Variants in RAD54B observed in about 807,000 individuals in gnomAD.
The protein encoded by RAD54B is DNA repair and recombination protein RAD54B.
In RAD54B, 78 loss-of-function variants were observed where a neutral mutation model predicts 95.8. The observed-to-expected ratio is 0.81, with a 90% confidence interval of 0.68 to 0.98. The LOEUF (loss-of-function observed/expected upper bound fraction) is 0.98, where lower values mean the gene tolerates loss of function less well. Ranked by LOEUF, RAD54B falls within the 50% of genes least tolerant of loss-of-function variation. The pLI is 0.00. For missense variants in RAD54B, 957 were observed against 1,056.6 expected, an observed-to-expected ratio of 0.91 and a Z score of 1.31; for synonymous variants, 328 against 354.9, an observed-to-expected ratio of 0.92 and a Z score of 0.85.
intron 3 of RAD54B, among the ~76,000 whole-genome samples, chr8:94,442,456 T>C (rs963469267): frequency 2.0e-4 from 31 of 151,842 alleles, no homozygotes; most frequent in African/African-American, 6.5e-4. Context: ...GCGCCTGTAG[T>C]CCCAGCTACT....
intron 14 of RAD54B, among the ~76,000 whole-genome samples, chr8:94,376,106 A>G (rs1810562641): frequency 6.6e-6 from 1 of 152,150 alleles, no homozygotes. Flanking sequence ...TACACTAGGC[A>G]ATTAAGAGGA....
intron 4 of RAD54B, among the ~76,000 whole-genome samples, chr8:94,408,434 T>C (rs1811447233): frequency 6.6e-6 from 1 of 152,100 alleles, no homozygotes; most frequent in Non-Finnish European, 1.5e-5. Context: ...CATTAAACTA[T>C]TAAATGTGTA....
chr8:94,387,588 T>C (rs12680213), intron 10 of RAD54B, among the ~76,000 whole-genome samples: 60,955 of 151,966 alleles, frequency 0.4, 12,365 homozygotes, highest in Admixed American at 0.51. Flanking sequence ...CTCTACTGAA[T>C]TGTGGGCTTC....
At chr8:94,381,232 C>T (rs765088616) in intron 11 of RAD54B, among the ~76,000 whole-genome samples, 11 of 152,170 alleles carry the variant, frequency 7.2e-5, no homozygotes, top group Admixed American at 1.3e-4. Flanking sequence ...CATATGCCAG[C>T]CCAAGGAAGA....
chr8:94,429,995 T>C, intron 3 of RAD54B: 1 of 985,374 alleles, frequency 1.0e-6, no homozygotes, highest in Non-Finnish European at 1.2e-6. Flanking sequence ...TGGCTTCTCA[T>C]TGTACGTTAA....
At chr8:94,463,037 G>A (rs1030776977) in intron 2 of RAD54B, among the ~76,000 whole-genome samples, 2 of 151,850 alleles carry the variant, frequency 1.3e-5, no homozygotes, top group Non-Finnish European at 2.9e-5. Context: ...TTAGCTAGGC[G>A]TGGCGGCAGG....
At chr8:94,414,364 T>G (rs1811602560) in intron 3 of RAD54B, among the ~76,000 whole-genome samples, 1 of 152,206 alleles carries the variant, frequency 6.6e-6, no homozygotes, top group East Asian at 1.9e-4. Context: ...CAACACTATG[T>G]TGAATAGGAG....
chr8:94,417,878 G>A (rs1042902725), intron 3 of RAD54B, among the ~76,000 whole-genome samples: 1 of 152,130 alleles, frequency 6.6e-6, no homozygotes, highest in Non-Finnish European at 1.5e-5. Flanking sequence ...AACCACCAAA[G>A]TTGTTTTCTG....
chr8:94,430,881 G>T (rs946670337), intron 3 of RAD54B: 1 of 985,338 alleles, frequency 1.0e-6, no homozygotes, highest in African/African-American at 1.7e-5. Flanking sequence ...AGCCCAAATT[G>T]ACTCTCTCTA....
rs10536493 is a variant in RAD54B at position 94,418,160 on chromosome 8, CAT to C, written c.305-6847_305-6846del. Among the ~76,000 whole-genome samples the C allele has an allele frequency of 7.8e-3, 1,190 of 152,170 alleles. 11 individuals are homozygous for C. The highest frequency in any genetic ancestry group is 0.027 in the African/African-American group (1,119 of 41,512). On this transcript the variant is annotated intron_variant, in intron 3 of 14. Coordinates refer to ENST00000336148, the MANE Select transcript of RAD54B (RefSeq NM_012415.3). Reference sequence around the variant, plus strand: ...GGATAGTTTTTTACCCTTCTCTTTTCATATGTTATTGTGGATATATTTCTACA... The same window carrying C: ...GGATAGTTTTTTACCCTTCTCTTTTCATGTTATTGTGGATATATTTCTACA...
intron 1 of RAD54B, among the ~76,000 whole-genome samples, chr8:94,468,291 G>A (rs774237478): frequency 2.6e-5 from 4 of 151,948 alleles, no homozygotes; most frequent in South Asian, 2.1e-4. Flanking sequence ...ATTTTTCCTC[G>A]CTTGGCACCC....
rs892839343 is a variant in RAD54B, at chr8:94,429,696, A to C, written c.305-18381T>G. The C allele has an allele frequency of 3.1e-6, 3 of 983,450 alleles. No individual in the cohort carries two copies. In the African/African-American group the frequency reaches 5.2e-5, roughly 17 times the overall value. The allele number at this position is 983,450 out of a possible 1,614,324, so 60.9% of individuals were successfully genotyped here. The stretch of plus-strand genomic sequence containing the variant: ...CAAAGAAAAGTCATAGCACAGATTA[A>C]AGAGAAAAGGTAACATTGTCAAAAG... On this transcript the variant is annotated intron_variant, in intron 3 of 14. Transcript: ENST00000336148.
intron 3 of RAD54B, among the ~76,000 whole-genome samples, chr8:94,426,766 G>C (rs1811952275): frequency 6.6e-6 from 1 of 152,074 alleles, no homozygotes; most frequent in Admixed American, 6.6e-5. Flanking sequence ...TCTTGACAGA[G>C]GTTTGAGCTA....
intron 3 of RAD54B, among the ~76,000 whole-genome samples, chr8:94,426,580 A>C (rs936502559): frequency 6.6e-6 from 1 of 152,206 alleles, no homozygotes; most frequent in African/African-American, 2.4e-5. Flanking sequence ...AAAAACACTA[A>C]GGTGAAAAAA....
At chr8:94,417,446 A>C (rs773570218) in intron 3 of RAD54B, among the ~76,000 whole-genome samples, 1 of 151,570 alleles carries the variant, frequency 6.6e-6, no homozygotes, top group Non-Finnish European at 1.5e-5. Context: ...CACACAATGA[A>C]ATAACACCAC....
chr8:94,398,309 A>G (rs774446609), intron 8 of RAD54B, among the ~76,000 whole-genome samples: 21 of 152,168 alleles, frequency 1.4e-4, no homozygotes, highest in Non-Finnish European at 1.8e-4. Flanking sequence ...AATGGTTAAT[A>G]CAATCCTCCT....
chr8:94,380,110 T>G, intron 12 of RAD54B, 35 bp downstream of exon 12: 1 of 1,555,672 alleles, frequency 6.4e-7, no homozygotes, highest in Non-Finnish European at 8.8e-7. Context: ...CCTCAGGCAT[T>G]CAATAATATC....
intron 3 of RAD54B, chr8:94,431,994 A>C: frequency 7.6e-7 from 1 of 1,307,652 alleles, no homozygotes; most frequent in Non-Finnish European, 9.7e-7. Flanking sequence ...ATAATTAGAA[A>C]ATTATATCTA....
intron 3 of RAD54B, 108 bp downstream of exon 3, chr8:94,458,160 T>C (rs1812819112): frequency 9.6e-7 from 1 of 1,037,634 alleles, no homozygotes; most frequent in South Asian, 1.8e-5. Context: ...GTAGTGGTAT[T>C]ACATCAACAA....
Sources: gnomAD v4.1 joint callset for allele counts (sites outside exome capture counted in the v4.1 genomes callset) on GRCh38, gnomAD v4.1.1 for gene constraint, MANE v1.5 for transcripts, NCBI Gene and HGNC (gene_info 2026-07-23, HGNC 2026-07-21) for gene names.